Variants in RPH3A observed in about 807,000 individuals in gnomAD.
RPH3A encodes the protein rabphilin-3A.
Under a neutral mutation model 102.2 loss-of-function variants are expected in RPH3A, and 48 were observed. That is an observed-to-expected ratio of 0.47 (90% CI 0.37 to 0.60). RPH3A has a LOEUF of 0.60. Ranked by LOEUF, RPH3A falls within the 20% of genes least tolerant of loss-of-function variation. RPH3A has a pLI of 0.00. For missense variants in RPH3A, 781 were observed against 910.1 expected (o/e 0.86, Z 1.83); for synonymous variants, 310 against 324.3 (o/e 0.96, Z 0.47).
chr12:112,590,082 CAA>C (rs766520725), intron 1 of RPH3A, among the ~76,000 whole-genome samples: 14 of 114,820 alleles, frequency 1.2e-4, no homozygotes, highest in Admixed American at 9.4e-5. Flanking sequence ...GACTCCATCT[CAA>C]AAAAAAAAAA....
intron 1 of RPH3A, among the ~76,000 whole-genome samples, chr12:112,576,514 C>A (rs141989967): frequency 6.6e-6 from 1 of 152,132 alleles, no homozygotes; most frequent in African/African-American, 2.4e-5. Context: ...CCACCTCACC[C>A]GGCCTTAATT....
At position 112,793,859 on chromosome 12, in the gene RPH3A, G is replaced by A. The variant is rs111234506; in HGVS notation, c.-19+1596G>A. 3.3e-5 allele frequency among the ~76,000 whole-genome samples: 5 copies of A among 152,220 alleles called. 2 individuals are homozygous for A. Among genetic ancestry groups the A allele is most frequent in the African/African-American group, 1.2e-4 (5 of 41,540 alleles). On this transcript the variant is annotated intron_variant, in intron 2 of 21. Coordinates refer to ENST00000389385, the MANE Select transcript of RPH3A (RefSeq NM_001143854.2). ...TCTTTTAATTGCTGGATTATGGAGA[G>A]GTTTGGGGGGATCTTAGGGGGCTAT... is the stretch of plus-strand genomic sequence containing the variant.
chr12:112,592,387 T>C (rs2039485002), intron 1 of RPH3A, among the ~76,000 whole-genome samples: 1 of 152,216 alleles, frequency 6.6e-6, no homozygotes, highest in African/African-American at 2.4e-5. Flanking sequence ...GGTGTGATCT[T>C]GTTTCACTGC....
At chr12:112,739,455 C>T (rs889090486) in intron 1 of RPH3A, among the ~76,000 whole-genome samples, 2 of 152,226 alleles carry the variant, frequency 1.3e-5, no homozygotes, top group Non-Finnish European at 1.5e-5. Context: ...CCTGTGGAAA[C>T]TCATGCCCTT....
chr12:112,838,797 G>A (rs1048961242), intron 4 of RPH3A, among the ~76,000 whole-genome samples: 3 of 152,108 alleles, frequency 2.0e-5, no homozygotes, highest in African/African-American at 7.2e-5. Flanking sequence ...GCTGTCCTTT[G>A]CCTTCCATTT....
At chr12:112,740,737 C>T in intron 1 of RPH3A, among the ~76,000 whole-genome samples, 1 of 152,188 alleles carries the variant, frequency 6.6e-6, no homozygotes, top group African/African-American at 2.4e-5. Flanking sequence ...GTAATTAACA[C>T]CACAGTTCAG....
intron 6 of RPH3A, 76 bp from the exon 7 acceptor site, chr12:112,866,681 G>C: frequency 8.1e-7 from 1 of 1,231,294 alleles, no homozygotes; most frequent in East Asian, 2.5e-5. Context: ...TCCACCAAGA[G>C]AAAGTGGGGG....
At chr12:112,854,126 A>G (rs2042370975) in intron 5 of RPH3A, among the ~76,000 whole-genome samples, 1 of 152,158 alleles carries the variant, frequency 6.6e-6, no homozygotes, top group Non-Finnish European at 1.5e-5. Context: ...GCTGTTTTGT[A>G]CATTGTCAAC....
chr12:112,658,249 C>T (rs1703857333), intron 1 of RPH3A, among the ~76,000 whole-genome samples: 1 of 152,018 alleles, frequency 6.6e-6, no homozygotes, highest in Non-Finnish European at 1.5e-5. Context: ...CCACCTGGGA[C>T]CACTGCAACC....
At chr12:112,851,171 G>A (rs1409438486) in intron 5 of RPH3A, among the ~76,000 whole-genome samples, 1 of 152,160 alleles carries the variant, frequency 6.6e-6, no homozygotes, top group Non-Finnish European at 1.5e-5. Flanking sequence ...CTCATTAACT[G>A]CTCCTCTCAA....
intron 5 of RPH3A, 89 bp from the exon 6 acceptor site, chr12:112,865,325 G>T: frequency 2.1e-6 from 3 of 1,461,310 alleles, no homozygotes; most frequent in Non-Finnish European, 2.8e-6. Context: ...ATGACTCAAA[G>T]AAGGTGAAGA....
At chr12:112,788,218 A>G (rs1249050370), upstream of RPH3A, among the ~76,000 whole-genome samples, 1 of 152,260 alleles carries the variant, frequency 6.6e-6, no homozygotes, top group Non-Finnish European at 1.5e-5. Flanking sequence ...CATGGTGACC[A>G]GAGAGGGTGG....
At chr12:112,580,663 C>T (rs1399570964) in intron 1 of RPH3A, among the ~76,000 whole-genome samples, 3 of 152,076 alleles carry the variant, frequency 2.0e-5, no homozygotes, top group African/African-American at 7.2e-5. Flanking sequence ...GCCTCGGCCT[C>T]CCAAAGTGCT....
At chr12:112,600,581 C>T (rs946331172) in intron 1 of RPH3A, among the ~76,000 whole-genome samples, 15 of 152,202 alleles carry the variant, frequency 9.9e-5, no homozygotes, top group Admixed American at 7.9e-4. Flanking sequence ...TCTGAGACCA[C>T]CTTGGCCTGG....
intron 1 of RPH3A, among the ~76,000 whole-genome samples, chr12:112,768,524 C>T (rs2040906776): frequency 6.6e-6 from 1 of 152,244 alleles, no homozygotes; most frequent in Admixed American, 6.5e-5. Flanking sequence ...CTTAAACACA[C>T]TTCCCTTAGA....
At chr12:112,621,427 GA>G (rs1566231998) in intron 1 of RPH3A, among the ~76,000 whole-genome samples, 1 of 149,026 alleles carries the variant, frequency 6.7e-6, no homozygotes, top group African/African-American at 2.5e-5. Flanking sequence ...TTCCCTTTCC[GA>G]GTCAAAGAAA....
chr12:112,649,917 T>A (rs2039961986), intron 1 of RPH3A, among the ~76,000 whole-genome samples: 1 of 152,218 alleles, frequency 6.6e-6, no homozygotes, highest in South Asian at 2.1e-4. Context: ...CCTCTTCTTA[T>A]AAGGGTTCCA....
rs780171130 is a variant in RPH3A, at chr12:112,868,580, C to T, written c.595C>T (p.Arg199Trp). The stretch of plus-strand genomic sequence containing the variant: ...TGCTCCTGAGCCCAAGCACCCTGCC[C>T]GGGCTCCAGCTCGAGGTAGGACAAA... ...QPAPEPKHPA[R>W]APARGDSEDR... The change falls in exon 8 of 22, where the codon CGG becomes TGG. Residue 199 changes from arginine (R) to tryptophan (W), a missense_variant. Coordinates refer to ENST00000389385, the MANE Select transcript of RPH3A (RefSeq NM_001143854.2). 2.9e-5 allele frequency: 47 copies of T among 1,613,878 alleles called. No individual in the cohort carries two copies. In the Middle Eastern group the frequency reaches 6.6e-4, roughly 23 times the overall value.
intron 1 of RPH3A, among the ~76,000 whole-genome samples, chr12:112,718,394 A>T (rs1327311442): frequency 6.6e-6 from 1 of 152,220 alleles, no homozygotes; most frequent in East Asian, 1.9e-4. Flanking sequence ...AGAGAGGGAA[A>T]GAAAAATTTT....
Sources: allele counts gnomAD v4.1 joint callset (sites outside exome capture counted in the v4.1 genomes callset), GRCh38; gene constraint gnomAD v4.1.1; transcripts MANE v1.5; gene names NCBI Gene and HGNC (gene_info 2026-07-23, HGNC 2026-07-21).